KHDRBS2: variants seen among roughly 807,000 people sequenced by gnomAD.
KHDRBS2 encodes the protein KH RNA binding domain containing, signal transduction associated 2.
Under a neutral mutation model 44.3 loss-of-function variants are expected in KHDRBS2, and 26 were observed. That is an observed-to-expected ratio of 0.59 (90% CI 0.43 to 0.81). The LOEUF is 0.81. Ranked by LOEUF, KHDRBS2 falls within the 40% of genes least tolerant of loss-of-function variation. The pLI is 0.00. For synonymous variants in KHDRBS2, 194 were observed against 151.1 expected (o/e 1.28, Z -2.08); for missense variants, 476 against 433.1 (o/e 1.10, Z -0.88).
chr6:61,863,356 C>T (rs1318213770), intron 6 of KHDRBS2, among the ~76,000 whole-genome samples: 3 of 146,422 alleles, frequency 2.0e-5, no homozygotes, highest in African/African-American at 7.5e-5. Flanking sequence ...GCACTTGGTT[C>T]TCTAGTTTTT....
chr6:61,989,889 C>T (rs1387792100), intron 3 of KHDRBS2, among the ~76,000 whole-genome samples: 1 of 152,146 alleles, frequency 6.6e-6, no homozygotes, highest in African/African-American at 2.4e-5. Context: ...GGGAAGAAAT[C>T]TGCTTTCCAA....
intron 6 of KHDRBS2, among the ~76,000 whole-genome samples, chr6:61,853,779 C>T (rs962300357): frequency 5.3e-5 from 8 of 152,170 alleles, no homozygotes; most frequent in Non-Finnish European, 4.4e-5. Context: ...TGGGCTGATG[C>T]AGTTTTTCAT....
chr6:61,690,732 A>C (rs1158384001), intron 8 of KHDRBS2, among the ~76,000 whole-genome samples: 1 of 152,084 alleles, frequency 6.6e-6, no homozygotes. Context: ...AGGAGCCTGC[A>C]TATAAGTTAT....
chr6:62,201,162 CA>C (rs1279104444), intron 1 of KHDRBS2, among the ~76,000 whole-genome samples: 7 of 151,880 alleles, frequency 4.6e-5, no homozygotes, highest in African/African-American at 1.7e-4. Flanking sequence ...TGCAGCACAC[CA>C]ACATGGTACA....
chr6:62,014,280 T>C (rs1277483820), intron 3 of KHDRBS2, among the ~76,000 whole-genome samples: 1 of 152,182 alleles, frequency 6.6e-6, no homozygotes, highest in Non-Finnish European at 1.5e-5. Flanking sequence ...TAAATTTTCT[T>C]TCTTATAGTT....
At chr6:61,659,677 T>G in the KHDRBS2 span, among the ~76,000 whole-genome samples, 5 of 151,756 alleles carry the variant, frequency 3.3e-5, no homozygotes, top group African/African-American at 1.2e-4. Context: ...AAAAATATAG[T>G]TACAACATCT....
chr6:61,563,356 CATCTT>C, the KHDRBS2 span, among the ~76,000 whole-genome samples: 8 of 152,124 alleles, frequency 5.3e-5, no homozygotes, highest in African/African-American at 1.9e-4. Context: ...TATGAAATCA[CATCTT>C]ATCTATACTC....
At chr6:61,649,259 T>C in the KHDRBS2 span, among the ~76,000 whole-genome samples, 7 of 152,184 alleles carry the variant, frequency 4.6e-5, no homozygotes, top group Non-Finnish European at 7.3e-5. Flanking sequence ...TGGGTCTTTA[T>C]GACCCATGGG....
intron 1 of KHDRBS2, among the ~76,000 whole-genome samples, chr6:62,216,740 C>T (rs778811376): frequency 7.5e-5 from 11 of 147,360 alleles, no homozygotes; most frequent in Non-Finnish European, 1.6e-4. Context: ...GTTTTTCTCC[C>T]AATGAGAGAA....
intron 7 of KHDRBS2, among the ~76,000 whole-genome samples, chr6:61,709,303 G>A (rs529685601): frequency 7.3e-5 from 11 of 151,450 alleles, no homozygotes; most frequent in South Asian, 2.1e-4. Context: ...AAATATAGGC[G>A]GATTATTCAT....
chr6:62,050,662 A>G (rs1268756623), intron 2 of KHDRBS2, among the ~76,000 whole-genome samples: 1 of 152,008 alleles, frequency 6.6e-6, no homozygotes, highest in Non-Finnish European at 1.5e-5. Context: ...AATGCTGATG[A>G]AGATGTGTAA....
intron 6 of KHDRBS2, among the ~76,000 whole-genome samples, chr6:61,814,203 G>C (rs1020334609): frequency 1.3e-5 from 2 of 152,182 alleles, no homozygotes; most frequent in Non-Finnish European, 2.9e-5. Context: ...TATTGAATAA[G>C]CATCAGAACT....
chr6:61,567,246 C>G, the KHDRBS2 span, among the ~76,000 whole-genome samples: 52 of 152,202 alleles, frequency 3.4e-4, no homozygotes, highest in Middle Eastern at 3.4e-3. Flanking sequence ...TTTACAGCTG[C>G]AAGTTTTCTA....
At chr6:62,075,624 T>A (rs1011784680) in intron 2 of KHDRBS2, among the ~76,000 whole-genome samples, 2 of 151,972 alleles carry the variant, frequency 1.3e-5, no homozygotes, top group African/African-American at 4.8e-5. Flanking sequence ...CCTATCAGCA[T>A]TAAATTTTTT....
chr6:62,125,836 C>T (rs1011366730), intron 2 of KHDRBS2, among the ~76,000 whole-genome samples: 3 of 152,108 alleles, frequency 2.0e-5, no homozygotes, highest in South Asian at 2.1e-4. Flanking sequence ...ATAAGCAGCA[C>T]GGGTAGCCAG....
chr6:62,209,250 C>A (rs1828594951), intron 1 of KHDRBS2, among the ~76,000 whole-genome samples: 1 of 152,084 alleles, frequency 6.6e-6, no homozygotes, highest in South Asian at 2.1e-4. Flanking sequence ...ACATACTTTT[C>A]AATATCTCTT....
intron 2 of KHDRBS2, among the ~76,000 whole-genome samples, chr6:62,176,886 C>T (rs1821202532): frequency 6.6e-6 from 1 of 151,156 alleles, no homozygotes; most frequent in Non-Finnish European, 1.5e-5. Context: ...CAAAGATAAT[C>T]AAGTGGGTGT....
intron 1 of KHDRBS2, among the ~76,000 whole-genome samples, chr6:62,229,535 C>T (rs1298239158): frequency 6.6e-6 from 1 of 152,204 alleles, no homozygotes; most frequent in Non-Finnish European, 1.5e-5. Flanking sequence ...CTTGTTGCCC[C>T]TCCCCACTGG....
chr6:61,974,319 G>A lies in KHDRBS2; in HGVS notation c.483+3747C>T, dbSNP rs75455920. Among the ~76,000 whole-genome samples the A allele has an allele frequency of 6.9e-3, 1,055 of 152,138 alleles. 18 individuals carry two copies. Among genetic ancestry groups the A allele is most frequent in the African/African-American group, 0.023 (938 of 41,498 alleles). On this transcript the variant is annotated intron_variant, in intron 4 of 8. Transcript: ENST00000281156. ...GACACAACTCTCACAACCATATGTG[G>A]CAATCCTGGTGTCTGAACTATGAAA...
Sources: gnomAD v4.1 joint callset for allele counts (sites outside exome capture counted in the v4.1 genomes callset) on GRCh38, gnomAD v4.1.1 for gene constraint, MANE v1.5 for transcripts, NCBI Gene and HGNC (gene_info 2026-07-23, HGNC 2026-07-21) for gene names.